The following ABLIM1 variants were observed in gnomAD, a reference collection of about 807,000 sequenced individuals.
ABLIM1 encodes actin binding LIM protein 1, also known as actin-binding LIM protein 1.
Under a neutral mutation model 107.0 loss-of-function variants are expected in ABLIM1, and 40 were observed. That is an observed-to-expected ratio of 0.37 (90% CI 0.29 to 0.49). ABLIM1 has a LOEUF of 0.49. Among genes scored for constraint, ABLIM1 ranks in the 20% least tolerant of loss-of-function variants. The pLI, the probability that ABLIM1 is intolerant of heterozygous loss-of-function variation, is 0.97. For missense variants in ABLIM1, 857 were observed against 1,008.5 expected, an observed-to-expected ratio of 0.85 and a Z score of 2.04; for synonymous variants, 357 against 357.3, an observed-to-expected ratio of 1.00 and a Z score of 0.01.
chr10:114,623,497 G>T (rs1566123240), intron 1 of ABLIM1, among the ~76,000 whole-genome samples: 1 of 152,130 alleles, frequency 6.6e-6, no homozygotes. Context: ...TGAGCCAGAT[G>T]ATATTTGCAA....
chr10:114,638,506 C>T lies in ABLIM1; in HGVS notation c.244+19451G>A, dbSNP rs577173634. On this transcript the variant is annotated intron_variant, in intron 1 of 22. Coordinates refer to ENST00000533213, the MANE Select transcript of ABLIM1 (RefSeq NM_002313.7). ...ACTGGATGAAGTACATATTATTATACTTTATATGTGAGAAAAGAGGTTGGT... is the reference window on the plus strand; with the variant it reads ...ACTGGATGAAGTACATATTATTATATTTTATATGTGAGAAAAGAGGTTGGT... Among the ~76,000 whole-genome samples the T allele has an allele frequency of 5.6e-4, 85 of 152,222 alleles. 1 individual carries two copies. The highest frequency in any genetic ancestry group is 2.2e-3 in the Admixed American group (34 of 15,282).
At chr10:114,684,440 C>T in exon 1 of ABLIM1, 1 of 1,578,206 alleles carries the variant, frequency 6.3e-7, no homozygotes, top group Non-Finnish European at 8.6e-7. Flanking sequence ...GAGGCTGGGG[C>T]CCTGGCTCTC....
intron 8 of ABLIM1, among the ~76,000 whole-genome samples, chr10:114,481,792 C>T (rs1447585685): frequency 6.6e-6 from 1 of 152,170 alleles, no homozygotes; most frequent in East Asian, 1.9e-4. Context: ...GGATGAAATA[C>T]TTGGACGAAG....
At chr10:114,439,501 TGAA>T in intron 20 of ABLIM1, 1 of 581,724 alleles carries the variant, frequency 1.7e-6, no homozygotes, top group Non-Finnish European at 3.1e-6. Context: ...TTAGGCTCCA[TGAA>T]TGAAAGCATA....
At chr10:114,587,577 A>C (rs2074333149) in intron 2 of ABLIM1, among the ~76,000 whole-genome samples, 1 of 152,188 alleles carries the variant, frequency 6.6e-6, no homozygotes, top group South Asian at 2.1e-4. Context: ...CATCTTTTCA[A>C]GAACAATAGG....
chr10:114,488,120 T>C (rs972919563), intron 7 of ABLIM1, 104 bp from the exon 8 acceptor site: 4 of 1,209,054 alleles, frequency 3.3e-6, no homozygotes, highest in Non-Finnish European at 4.9e-6. Flanking sequence ...TTCCCCATCA[T>C]AGGAAGGTGT....
chr10:114,664,533 T>TA (rs1315115202), intron 1 of ABLIM1, among the ~76,000 whole-genome samples: 1 of 152,082 alleles, frequency 6.6e-6, no homozygotes, highest in African/African-American at 2.4e-5. Context: ...TTCTCTTTTT[T>TA]AAAAAATGTT....
At chr10:114,488,814 A>G (rs1175206459) in intron 7 of ABLIM1, among the ~76,000 whole-genome samples, 1 of 152,268 alleles carries the variant, frequency 6.6e-6, no homozygotes, top group African/African-American at 2.4e-5. Flanking sequence ...CTAGATACAT[A>G]TCAAATATGT....
At chr10:114,592,509 G>A (rs2074996771) in intron 2 of ABLIM1, among the ~76,000 whole-genome samples, 1 of 152,120 alleles carries the variant, frequency 6.6e-6, no homozygotes, top group Non-Finnish European at 1.5e-5. Flanking sequence ...AAGTTCTTGG[G>A]AAAGGTGACA....
intron 7 of ABLIM1, among the ~76,000 whole-genome samples, chr10:114,490,449 G>A (rs1171069257): frequency 3.9e-5 from 6 of 152,162 alleles, no homozygotes; most frequent in Non-Finnish European, 8.8e-5. Context: ...AAAATTGAGA[G>A]AGCAAAGTGA....
intron 1 of ABLIM1, among the ~76,000 whole-genome samples, chr10:114,654,706 G>A (rs1310744428): frequency 6.6e-6 from 1 of 152,210 alleles, no homozygotes; most frequent in Non-Finnish European, 1.5e-5. Flanking sequence ...AAATGTCTAA[G>A]TGCGCTCTGG....
chr10:114,613,064 T>A (rs2076916996), intron 1 of ABLIM1, among the ~76,000 whole-genome samples: 1 of 152,232 alleles, frequency 6.6e-6, no homozygotes, highest in African/African-American at 2.4e-5. Flanking sequence ...CTTTTCTTTC[T>A]GGCTGCTTCT....
At chr10:114,665,231 T>A (rs977728446) in intron 1 of ABLIM1, among the ~76,000 whole-genome samples, 2 of 152,224 alleles carry the variant, frequency 1.3e-5, no homozygotes, top group African/African-American at 4.8e-5. Context: ...CACAAGGCTT[T>A]CAGTCCACAA....
At chr10:114,728,091 A>G (rs2081996938) in intron 1 of ABLIM1, among the ~76,000 whole-genome samples, 1 of 152,246 alleles carries the variant, frequency 6.6e-6, no homozygotes, top group African/African-American at 2.4e-5. Context: ...AAAGATACTA[A>G]TAGTCGGTTC....
At chr10:114,535,285 A>G (rs1024158637) in intron 6 of ABLIM1, among the ~76,000 whole-genome samples, 1 of 152,178 alleles carries the variant, frequency 6.6e-6, no homozygotes, top group African/African-American at 2.4e-5. Context: ...TTAGGCTCCC[A>G]CAGAGGGAAA....
At chr10:114,769,422 G>GGAAA (rs201904899), upstream of ABLIM1, among the ~76,000 whole-genome samples, 5,338 of 51,478 alleles carry the variant, frequency 0.1, 137 homozygotes, top group East Asian at 0.14. Context: ...AAGAAAAGAA[G>GGAAA]GAAAGAAAGA....
intron 1 of ABLIM1, among the ~76,000 whole-genome samples, chr10:114,653,217 T>C (rs2079334545): frequency 6.6e-6 from 1 of 152,202 alleles, no homozygotes; most frequent in Non-Finnish European, 1.5e-5. Flanking sequence ...TGTTGAGTCA[T>C]TGAGAATATC....
intron 4 of ABLIM1, among the ~76,000 whole-genome samples, chr10:114,563,515 T>C (rs938416772): frequency 1.3e-5 from 2 of 152,096 alleles, no homozygotes; most frequent in Admixed American, 6.5e-5. Context: ...AAATGTATAA[T>C]AGTAATATAA....
At chr10:114,800,537 C>T in the ABLIM1 span, among the ~76,000 whole-genome samples, 1 of 152,190 alleles carries the variant, frequency 6.6e-6, no homozygotes, top group Non-Finnish European at 1.5e-5. Flanking sequence ...GGCAACACCA[C>T]TCTTATTATT....
Sources: allele counts gnomAD v4.1 joint callset (sites outside exome capture counted in the v4.1 genomes callset), GRCh38; gene constraint gnomAD v4.1.1; transcripts MANE v1.5; gene names NCBI Gene and HGNC (gene_info 2026-07-23, HGNC 2026-07-21).